Variants in CTNNA2 observed in about 807,000 individuals in gnomAD.
CTNNA2 encodes the protein catenin alpha-2.
A neutral mutation model predicts 101.0 loss-of-function variants in CTNNA2; 42 were observed. That is an observed-to-expected ratio of 0.42 (90% CI 0.32 to 0.54). The LOEUF (loss-of-function observed/expected upper bound fraction) is 0.54. Among genes scored for constraint, CTNNA2 ranks in the 20% least tolerant of loss-of-function variants. CTNNA2 has a pLI of 0.14. For synonymous variants in CTNNA2, 450 were observed against 456.4 expected, an observed-to-expected ratio of 0.99 and a Z score of 0.18; for missense variants, 871 against 1,223.1, an observed-to-expected ratio of 0.71 and a Z score of 4.29.
chr2:80,301,302 T>G (rs770813612), intron 7 of CTNNA2, among the ~76,000 whole-genome samples: 5 of 152,086 alleles, frequency 3.3e-5, no homozygotes, highest in Non-Finnish European at 5.9e-5. Flanking sequence ...TCTGCCTCCT[T>G]CCCCTCAGCC....
intron 12 of CTNNA2, among the ~76,000 whole-genome samples, chr2:80,557,874 G>A (rs77583932): frequency 0.016 from 2,391 of 152,092 alleles, 31 homozygotes; most frequent in Non-Finnish European, 0.026. Flanking sequence ...ACAAATAGTC[G>A]TTCATCCTGG....
intron 7 of CTNNA2, among the ~76,000 whole-genome samples, chr2:79,926,661 G>A (rs2104401845): frequency 6.6e-6 from 1 of 151,962 alleles, no homozygotes; most frequent in Non-Finnish European, 1.5e-5. Context: ...CAGTGCTGCG[G>A]GGGCTACTTG....
At chr2:79,500,070 G>A (rs192421942) in intron 4 of CTNNA2, among the ~76,000 whole-genome samples, 1 of 152,246 alleles carries the variant, frequency 6.6e-6, no homozygotes, top group East Asian at 1.9e-4. Context: ...CAAAGGTCAT[G>A]GATTTAAATG....
intron 4 of CTNNA2, among the ~76,000 whole-genome samples, chr2:79,494,073 A>C (rs1671230565): frequency 6.6e-6 from 1 of 152,156 alleles, no homozygotes; most frequent in Admixed American, 6.5e-5. Context: ...AAACTGATTT[A>C]TAATATAATT....
chr2:79,633,317 G>A (rs1679815986), intron 1 of CTNNA2, among the ~76,000 whole-genome samples: 1 of 152,168 alleles, frequency 6.6e-6, no homozygotes, highest in Non-Finnish European at 1.5e-5. Context: ...ACAGTGCACA[G>A]GGGAGAAGGA....
At chr2:79,600,319 G>A (rs1371355300) in intron 1 of CTNNA2, among the ~76,000 whole-genome samples, 3 of 152,152 alleles carry the variant, frequency 2.0e-5, no homozygotes, top group Non-Finnish European at 4.4e-5. Flanking sequence ...GGGATTACAG[G>A]TGTGTGCCAC....
chr2:79,897,397 AG>A (rs527856610), intron 6 of CTNNA2, among the ~76,000 whole-genome samples: 73 of 152,218 alleles, frequency 4.8e-4, no homozygotes, highest in African/African-American at 1.7e-3. Context: ...GACTTGAATA[AG>A]GGGGGAATAT....
At chr2:80,584,262 C>CT (rs1449974277) in intron 14 of CTNNA2, among the ~76,000 whole-genome samples, 1 of 152,090 alleles carries the variant, frequency 6.6e-6, no homozygotes, top group African/African-American at 2.4e-5. Flanking sequence ...GAAAGTCTCC[C>CT]TTTCTAAAAA....
At chr2:79,782,976 T>C (rs1273134274) in intron 3 of CTNNA2, among the ~76,000 whole-genome samples, 1 of 152,056 alleles carries the variant, frequency 6.6e-6, no homozygotes, top group Non-Finnish European at 1.5e-5. Flanking sequence ...CTTTTTTTTT[T>C]TTGTCTTCTG....
intron 12 of CTNNA2, among the ~76,000 whole-genome samples, chr2:80,566,762 T>TG (rs1286457704): frequency 2.0e-5 from 3 of 152,170 alleles, no homozygotes; most frequent in African/African-American, 7.2e-5. Context: ...AGTCAGGGAA[T>TG]GGTACATAGA....
rs547671465 is a variant in CTNNA2 at position 79,684,816 on chromosome 2, T to A, written c.102+33158T>A. Among the ~76,000 whole-genome samples, 4 of 152,198 alleles carry A rather than the reference T, an allele frequency of 2.6e-5. No individual in the cohort carries two copies. In the South Asian group the frequency reaches 8.3e-4, roughly 31 times the overall value. ...CTTTATTTATGTCTGTAGGAGAGAT[T>A]GAAGATTTGTCCAAATTTCCTTTAA... On this transcript the variant is annotated intron_variant, in intron 2 of 18. Transcript: ENST00000402739.
intron 15 of CTNNA2, among the ~76,000 whole-genome samples, chr2:80,591,609 A>G (rs1489009043): frequency 1.3e-5 from 2 of 151,896 alleles, no homozygotes. Context: ...TTTTAGCTCC[A>G]TAACTCTAAA....
chr2:80,080,948 T>TAAAAA (rs79785271), intron 7 of CTNNA2, among the ~76,000 whole-genome samples: 361 of 87,374 alleles, frequency 4.1e-3, no homozygotes, highest in Middle Eastern at 0.02. Context: ...TTCTCCCACT[T>TAAAAA]AAAAAAAAAA....
At chr2:79,702,371 C>G (rs895131667) in intron 2 of CTNNA2, among the ~76,000 whole-genome samples, 7 of 152,044 alleles carry the variant, frequency 4.6e-5, no homozygotes, top group African/African-American at 1.7e-4. Flanking sequence ...TATGGCTACT[C>G]TCATGCTACA....
intron 1 of CTNNA2, among the ~76,000 whole-genome samples, chr2:79,642,034 A>G (rs1212139678): frequency 6.6e-6 from 1 of 152,128 alleles, no homozygotes; most frequent in Non-Finnish European, 1.5e-5. Flanking sequence ...CTTTCTTTGT[A>G]TATATATTTG....
At chr2:79,559,231 A>G (rs1674623083) in intron 1 of CTNNA2, among the ~76,000 whole-genome samples, 1 of 151,940 alleles carries the variant, frequency 6.6e-6, no homozygotes, top group Non-Finnish European at 1.5e-5. Flanking sequence ...CTGGAATTAG[A>G]CTATCAGAGG....
intron 18 of CTNNA2, among the ~76,000 whole-genome samples, chr2:80,640,162 G>T (rs939124236): frequency 3.3e-5 from 5 of 152,060 alleles, no homozygotes; most frequent in African/African-American, 1.2e-4. Context: ...ACAAACAATA[G>T]AAATCAAACA....
At chr2:79,561,558 T>G (rs775563068) in intron 1 of CTNNA2, among the ~76,000 whole-genome samples, 4 of 151,998 alleles carry the variant, frequency 2.6e-5, no homozygotes, top group Non-Finnish European at 5.9e-5. Context: ...TCCAGCAGTA[T>G]GAAGATTCCA....
intron 1 of CTNNA2, among the ~76,000 whole-genome samples, chr2:79,540,565 GT>G (rs1244994489): frequency 2.0e-5 from 3 of 152,084 alleles, no homozygotes; most frequent in African/African-American, 7.2e-5. Context: ...TTACATTACT[GT>G]TTCCTAAAGT....
Sources: allele counts gnomAD v4.1 joint callset (sites outside exome capture counted in the v4.1 genomes callset), GRCh38; gene constraint gnomAD v4.1.1; transcripts MANE v1.5; gene names NCBI Gene and HGNC (gene_info 2026-07-23, HGNC 2026-07-21).